OSBPL1A: variants seen among roughly 807,000 people sequenced by gnomAD.
OSBPL1A encodes oxysterol-binding protein-related protein 1.
In OSBPL1A, 80 loss-of-function variants were observed where a neutral mutation model predicts 137.1. The observed-to-expected ratio is 0.58, with a 90% CI of 0.49 to 0.70. OSBPL1A has a LOEUF of 0.70. Ranked by LOEUF, OSBPL1A falls within the 30% of genes least tolerant of loss-of-function variation. The pLI, the probability that OSBPL1A is intolerant of heterozygous loss-of-function variation, is 0.00. For synonymous variants in OSBPL1A, 365 were observed against 389.7 expected (o/e 0.94, Z 0.75); for missense variants, 970 against 1,129.4 (o/e 0.86, Z 2.02).
chr18:24,272,983 G>A (rs2089758077), intron 15 of OSBPL1A, among the ~76,000 whole-genome samples: 1 of 152,170 alleles, frequency 6.6e-6, no homozygotes, highest in Non-Finnish European at 1.5e-5. Flanking sequence ...TCAGCTCACT[G>A]CAACCTCCAC....
At chr18:24,252,819 C>A (rs1341019519) in intron 15 of OSBPL1A, among the ~76,000 whole-genome samples, 1 of 151,388 alleles carries the variant, frequency 6.6e-6, no homozygotes, top group South Asian at 2.1e-4. Flanking sequence ...GGTAAAAAGC[C>A]GGGAGAATGA....
rs756967525 is a variant in OSBPL1A at position 24,163,141 on chromosome 18, ATTTGT to A, written c.*33_*37del. On this transcript the variant is annotated 3_prime_UTR_variant, in exon 28 of 28. Transcript: ENST00000319481. Reference sequence around the variant, plus strand: ...ATTTAAAAACATAGGTTTAAGACTTATTTGTAGATTAGCCAAACACCCTGACTTGT... The same window carrying A: ...ATTTAAAAACATAGGTTTAAGACTTAAGATTAGCCAAACACCCTGACTTGT... 6.8e-7 allele frequency: 1 copy of A among 1,461,108 alleles called. No homozygotes were observed. The highest frequency in any genetic ancestry group is 2.3e-5 in the East Asian group (1 of 43,938). The allele number at this position is 1,461,108 out of a possible 1,614,324, so 90.5% of individuals were successfully genotyped here.
intron 6 of OSBPL1A, 36 bp from the exon 7 acceptor site, chr18:24,333,122 T>C: frequency 1.2e-6 from 2 of 1,600,800 alleles, no homozygotes; most frequent in Non-Finnish European, 1.7e-6. Context: ...GAATTATATA[T>C]CAAAGATAGA....
intron 27 of OSBPL1A, among the ~76,000 whole-genome samples, chr18:24,163,946 G>T (rs966962729): frequency 1.9e-4 from 29 of 152,140 alleles, no homozygotes; most frequent in African/African-American, 6.3e-4. Context: ...TGGTCAGGCT[G>T]GTCTCGAACT....
chr18:24,232,415 G>A (rs577608255), intron 16 of OSBPL1A, among the ~76,000 whole-genome samples: 1 of 152,290 alleles, frequency 6.6e-6, no homozygotes, highest in South Asian at 2.1e-4. Context: ...TAGCCAAATG[G>A]TAGGGTATTG....
intron 4 of OSBPL1A, among the ~76,000 whole-genome samples, chr18:24,355,340 A>G (rs1322048074): frequency 6.6e-6 from 1 of 151,362 alleles, no homozygotes; most frequent in Non-Finnish European, 1.5e-5. Flanking sequence ...CGTCTCTACT[A>G]AAAATACAAA....
intron 4 of OSBPL1A, among the ~76,000 whole-genome samples, chr18:24,351,703 A>G (rs1029719905): frequency 6.6e-5 from 10 of 152,166 alleles, no homozygotes; most frequent in African/African-American, 2.4e-4. Context: ...CCATGCGCAG[A>G]TAATTTTTGT....
chr18:24,382,406 C>CAA (rs58654443), intron 1 of OSBPL1A, among the ~76,000 whole-genome samples: 3,617 of 74,080 alleles, frequency 0.049, 226 homozygotes, highest in African/African-American at 0.13. Flanking sequence ...GACTCCGTCT[C>CAA]AAAAAAAAAA....
intron 11 of OSBPL1A, among the ~76,000 whole-genome samples, chr18:24,315,540 CA>C (rs1364306519): frequency 1.4e-5 from 2 of 144,912 alleles, no homozygotes; most frequent in Non-Finnish European, 3.0e-5. Flanking sequence ...CTCCAGAACT[CA>C]ACATTCATAA....
chr18:24,280,755 G>T, intron 15 of OSBPL1A, 87 bp downstream of exon 15: 1 of 880,646 alleles, frequency 1.1e-6, no homozygotes, highest in South Asian at 3.1e-5. Context: ...TCCTACCTTT[G>T]AACAATTTGA....
At chr18:24,221,911 G>A (rs2087906311) in intron 17 of OSBPL1A, among the ~76,000 whole-genome samples, 1 of 152,104 alleles carries the variant, frequency 6.6e-6, no homozygotes, top group Admixed American at 6.5e-5. Context: ...ATGGTCCACG[G>A]AAATTTAATT....
At chr18:24,283,281 A>ATATATATATAT (rs1555644491) in intron 14 of OSBPL1A, among the ~76,000 whole-genome samples, 10 of 78,366 alleles carry the variant, frequency 1.3e-4, no homozygotes, top group African/African-American at 4.7e-4. Context: ...AAAAAAAAAA[A>ATATATATATAT]ATATATATAT....
chr18:24,294,774 C>G (rs1419449239), intron 14 of OSBPL1A, among the ~76,000 whole-genome samples: 1 of 152,164 alleles, frequency 6.6e-6, no homozygotes, highest in South Asian at 2.1e-4. Flanking sequence ...GAGTAGTATT[C>G]CATGTTGTAT....
At chr18:24,180,603 G>A (rs1226803257) in intron 19 of OSBPL1A, among the ~76,000 whole-genome samples, 1 of 152,138 alleles carries the variant, frequency 6.6e-6, no homozygotes, top group East Asian at 1.9e-4. Context: ...AGCCGGGCAC[G>A]GTGGCTCATG....
intron 15 of OSBPL1A, among the ~76,000 whole-genome samples, chr18:24,265,361 T>C (rs1194019840): frequency 1.3e-5 from 2 of 152,062 alleles, no homozygotes; most frequent in Non-Finnish European, 2.9e-5. Flanking sequence ...GCGCCTGTAG[T>C]CCCAGCTACT....
chr18:24,395,870 C>A (rs1907704916), intron 1 of OSBPL1A, among the ~76,000 whole-genome samples: 1 of 151,060 alleles, frequency 6.6e-6, no homozygotes, highest in Admixed American at 6.6e-5. Flanking sequence ...GATCCGCCCG[C>A]CTCGGCCTCC....
At chr18:24,278,147 G>C (rs2089885138) in intron 15 of OSBPL1A, among the ~76,000 whole-genome samples, 1 of 152,192 alleles carries the variant, frequency 6.6e-6, no homozygotes, top group Non-Finnish European at 1.5e-5. Flanking sequence ...GCTTCTAAAA[G>C]CTTGCTATAT....
chr18:24,239,318 G>A lies in OSBPL1A; in HGVS notation c.1346C>T (p.Thr449Met), dbSNP rs1328441756. 1.5e-5 allele frequency: 25 copies of A among 1,614,064 alleles called. No homozygotes were observed. The highest frequency in any genetic ancestry group is 2.2e-5 in the East Asian group (1 of 44,876). Residue 449 changes from threonine (T) to methionine (M), a missense_variant, in exon 16 of 28, where the codon ACG becomes ATG. Thr to Met is a moderately conservative substitution (Grantham distance 81). Coordinates refer to ENST00000319481, the MANE Select transcript of OSBPL1A (RefSeq NM_080597.4). The stretch of plus-strand genomic sequence containing the variant: ...TAATTCATGATGTTCAGTGGCCAGC[G>A]TCTCCAGTGCTTCTGACAAGATTTT... ...KNKILSEALE[T>M]LATEHHELEQ...
At chr18:24,332,302 C>G (rs931279501) in intron 7 of OSBPL1A, among the ~76,000 whole-genome samples, 3 of 141,838 alleles carry the variant, frequency 2.1e-5, no homozygotes, top group African/African-American at 5.3e-5. Flanking sequence ...AGAAGAATCA[C>G]TTGAACCCAG....
Sources: allele counts gnomAD v4.1 joint callset (sites outside exome capture counted in the v4.1 genomes callset), GRCh38; gene constraint gnomAD v4.1.1; transcripts MANE v1.5; gene names NCBI Gene and HGNC (gene_info 2026-07-23, HGNC 2026-07-21).